The following SKIL variants were observed in gnomAD, a reference collection of about 807,000 sequenced individuals.
The protein encoded by SKIL is ski-like protein.
Under a neutral mutation model 69.6 loss-of-function variants are expected in SKIL, and 20 were observed. That is an observed-to-expected ratio of 0.29 (90% CI 0.20 to 0.42). SKIL has a LOEUF of 0.42. Ranked by LOEUF, SKIL falls within the 10% of genes least tolerant of loss-of-function variation. The pLI, the probability that SKIL is intolerant of heterozygous loss-of-function variation, is 1.00. For synonymous variants in SKIL, 310 were observed against 279.9 expected, an observed-to-expected ratio of 1.11 and a Z score of -1.08; for missense variants, 745 against 783.1, an observed-to-expected ratio of 0.95 and a Z score of 0.58.
At chr3:170,369,615 T>A (rs1198178925) in intron 2 of SKIL, among the ~76,000 whole-genome samples, 1 of 152,146 alleles carries the variant, frequency 6.6e-6, no homozygotes, top group Non-Finnish European at 1.5e-5. Context: ...TTGGTCAGGC[T>A]GATCTCGAAC....
chr3:170,384,901 A>C, intron 4 of SKIL, 136 bp downstream of exon 4: 1 of 569,758 alleles, frequency 1.8e-6, no homozygotes, highest in East Asian at 2.9e-5. Flanking sequence ...CTACCCTTCA[A>C]AACTCTGGGT....
intron 2 of SKIL, among the ~76,000 whole-genome samples, chr3:170,362,460 C>G (rs1577407954): frequency 1.3e-5 from 2 of 152,092 alleles, no homozygotes; most frequent in African/African-American, 4.8e-5. Context: ...CGAGATTGTG[C>G]CATTGCGCTC....
intron 6 of SKIL, 146 bp downstream of exon 6, chr3:170,391,406 C>T (rs1737910109): frequency 1.0e-5 from 6 of 584,276 alleles, no homozygotes; most frequent in Non-Finnish European, 1.5e-5. Context: ...CAACCTCTGC[C>T]TCCCGGGTTC....
chr3:170,370,128 A>G lies in SKIL; in HGVS notation c.1098+8699A>G, dbSNP rs1736728609. 4.6e-5 allele frequency among the ~76,000 whole-genome samples: 7 copies of G among 151,898 alleles called. No homozygotes were observed. In the South Asian group the frequency reaches 1.2e-3, roughly 27 times the overall value. ...GTGGCAGGCGCCTGTAGTCCCAGCTACTCGGGAGGCTGAGGCAGGAGAATG... is the reference window on the plus strand; with the variant it reads ...GTGGCAGGCGCCTGTAGTCCCAGCTGCTCGGGAGGCTGAGGCAGGAGAATG... On this transcript the variant is annotated intron_variant, in intron 2 of 6. Transcript: ENST00000259119.
At position 170,391,251 on chromosome 3, in the gene SKIL, T is replaced by C; in HGVS notation, c.1887T>C (p.Tyr629=). 6.3e-7 allele frequency: 1 copy of C among 1,585,608 alleles called. No individual in the cohort carries two copies. Among genetic ancestry groups the C allele is most frequent in the South Asian group, 1.1e-5 (1 of 89,654 alleles). ...SNLEKDKEAE[Y]AGQLAELRQR... ...TAGAAAAAGACAAAGAGGCTGAATA[T>C]GCAGGACAGGTAAGAATTACTGTTT... Residue 629 remains tyrosine, a synonymous_variant, in exon 6 of 7, where the codon TAT becomes TAC. Coordinates refer to ENST00000259119, the MANE Select transcript of SKIL (RefSeq NM_005414.5).
intron 2 of SKIL, among the ~76,000 whole-genome samples, chr3:170,370,443 C>CAG (rs1390928468): frequency 1.3e-4 from 1 of 7,496 alleles, no homozygotes; most frequent in African/African-American, 1.0e-3. Context: ...GAGAGAGCCC[C>CAG]CCCCCCCCCC....
At chr3:170,383,729 G>A (rs1737475095) in intron 3 of SKIL, among the ~76,000 whole-genome samples, 2 of 152,144 alleles carry the variant, frequency 1.3e-5, no homozygotes, top group South Asian at 4.1e-4. Context: ...CTCTCTCTGA[G>A]GTATATAAGA....
intron 4 of SKIL, among the ~76,000 whole-genome samples, chr3:170,389,252 A>G (rs1045594816): frequency 6.6e-6 from 1 of 151,942 alleles, no homozygotes; most frequent in Non-Finnish European, 1.5e-5. Flanking sequence ...ATACAGCATA[A>G]GGTCCAACCT....
At chr3:170,383,314 C>T (rs992119395) in intron 3 of SKIL, among the ~76,000 whole-genome samples, 5 of 152,100 alleles carry the variant, frequency 3.3e-5, no homozygotes, top group African/African-American at 1.2e-4. Context: ...TGTCAGAAAA[C>T]TGAGATTTTG....
At chr3:170,376,699 C>T (rs923666889) in intron 2 of SKIL, among the ~76,000 whole-genome samples, 1 of 152,042 alleles carries the variant, frequency 6.6e-6, no homozygotes, top group Non-Finnish European at 1.5e-5. Context: ...CCTTAGCCTC[C>T]CAAGTAGCTG....
At chr3:170,363,025 C>T (rs1048916894) in intron 2 of SKIL, among the ~76,000 whole-genome samples, 5 of 151,652 alleles carry the variant, frequency 3.3e-5, no homozygotes, top group East Asian at 1.9e-4. Context: ...ATAACAGTTC[C>T]TAACACTAAG....
intron 2 of SKIL, among the ~76,000 whole-genome samples, chr3:170,364,584 T>C (rs1736412964): frequency 1.3e-5 from 2 of 151,552 alleles, no homozygotes; most frequent in South Asian, 4.2e-4. Context: ...GTCCTCTCAA[T>C]TGCTGGGATT....
chr3:170,358,478 G>A, intron 1 of SKIL: 1 of 152,688 alleles, frequency 6.5e-6, no homozygotes, highest in East Asian at 1.9e-4. Context: ...ATAGGTGGGT[G>A]GCTTTGAGTG....
At position 170,390,396 on chromosome 3, in the gene SKIL, A is replaced by G; in HGVS notation, c.1603A>G (p.Met535Val). Residue 535 changes from methionine (M) to valine (V), a missense_variant, in exon 5 of 7, where the codon ATG becomes GTG. Coordinates refer to ENST00000259119, the MANE Select transcript of SKIL (RefSeq NM_005414.5). ...DDKGKIMEEV[M>V]RTYLKQQEKL... Reference sequence around the variant, plus strand: ...TAAGGGAAAAATCATGGAAGAAGTAATGAGAACTTATTTAAAACAACAGGA... The same window carrying G: ...TAAGGGAAAAATCATGGAAGAAGTAGTGAGAACTTATTTAAAACAACAGGA... 1 of 1,613,226 alleles carries G rather than the reference A, an allele frequency of 6.2e-7. No individual in the cohort carries two copies. Among genetic ancestry groups the G allele is most frequent in the South Asian group, 1.1e-5 (1 of 91,078 alleles).
intron 2 of SKIL, among the ~76,000 whole-genome samples, chr3:170,370,697 A>AT (rs780133109): frequency 1.3e-5 from 2 of 152,112 alleles, no homozygotes; most frequent in African/African-American, 4.8e-5. Flanking sequence ...CATATTTTGC[A>AT]TTTTTTATGG....
At chr3:170,361,713 G>A (rs1251213306) in intron 2 of SKIL, among the ~76,000 whole-genome samples, 2 of 151,226 alleles carry the variant, frequency 1.3e-5, no homozygotes, top group Non-Finnish European at 2.9e-5. Flanking sequence ...CCAAAATTAT[G>A]TAGCCAGGGA....
At position 170,392,378 on chromosome 3, in the gene SKIL, G is replaced by C; in HGVS notation, c.2016G>C (p.Lys672Asn). The stretch of plus-strand genomic sequence containing the variant: ...TAGAGATGATGATAAAAGAGCTAAA[G>C]CTGCAAATTCTGAAATCATCAAAGA... ...QKLEMMIKEL[K>N]LQILKSSKTA... is the part of the protein sequence containing the mutation. The change falls in exon 7 of 7, where the codon AAG becomes AAC. Residue 672 changes from lysine (K) to asparagine (N), a missense_variant. Lys to Asn is a moderately conservative substitution (Grantham distance 94). Transcript: ENST00000259119. 1 of 1,612,108 alleles carries C rather than the reference G, an allele frequency of 6.2e-7. No individual in the cohort carries two copies. The highest frequency in any genetic ancestry group is 8.5e-7 in the Non-Finnish European group (1 of 1,178,562).
At chr3:170,374,595 T>C (rs1296127985) in intron 2 of SKIL, among the ~76,000 whole-genome samples, 1 of 152,214 alleles carries the variant, frequency 6.6e-6, no homozygotes, top group Non-Finnish European at 1.5e-5. Context: ...AATTATATTG[T>C]TCTTTTTTTG....
intron 2 of SKIL, among the ~76,000 whole-genome samples, chr3:170,379,462 C>T (rs1276331334): frequency 7.5e-6 from 1 of 133,324 alleles, no homozygotes; most frequent in Non-Finnish European, 1.6e-5. Context: ...TCCCCTTTCC[C>T]TTACCAGTGA....
Sources: allele counts gnomAD v4.1 joint callset (sites outside exome capture counted in the v4.1 genomes callset), GRCh38; gene constraint gnomAD v4.1.1; transcripts MANE v1.5; gene names NCBI Gene and HGNC (gene_info 2026-07-23, HGNC 2026-07-21).